The following SDK1 variants were observed in gnomAD, a reference collection of about 807,000 sequenced individuals.
SDK1 encodes protein sidekick-1.
A neutral mutation model predicts 245.5 loss-of-function variants in SDK1; 157 were observed. The ratio of observed to expected loss-of-function variants is 0.64; its 90% CI spans 0.56 to 0.73. The LOEUF is 0.73. Among genes scored for constraint, SDK1 ranks in the 30% least tolerant of loss-of-function variants. The probability of loss-of-function intolerance (pLI) is 0.00; values close to 1 mark genes in which losing one functional copy is unlikely to be tolerated. For synonymous variants in SDK1, 1,647 were observed against 1,278.5 expected, an observed-to-expected ratio of 1.29 and a Z score of -6.15; for missense variants, 3,583 against 3,002.3, an observed-to-expected ratio of 1.19 and a Z score of -4.52.
At chr7:3,856,575 G>A (rs1780551980) in intron 5 of SDK1, among the ~76,000 whole-genome samples, 1 of 151,154 alleles carries the variant, frequency 6.6e-6, no homozygotes, top group South Asian at 2.1e-4. Context: ...TGGATCACCT[G>A]AGATCAGGAG....
chr7:3,359,412 A>C (rs1226151479), intron 1 of SDK1, among the ~76,000 whole-genome samples: 5 of 152,184 alleles, frequency 3.3e-5, no homozygotes, highest in African/African-American at 1.2e-4. Flanking sequence ...AGAATTGAGA[A>C]ATATGGCCAA....
chr7:4,215,997 TC>T (rs1784774881), intron 38 of SDK1, among the ~76,000 whole-genome samples: 1 of 152,132 alleles, frequency 6.6e-6, no homozygotes, highest in African/African-American at 2.4e-5. Flanking sequence ...CCATCCCCGT[TC>T]CTGCATTCTC....
chr7:3,669,328 G>A (rs931260139), intron 4 of SDK1, among the ~76,000 whole-genome samples: 1 of 152,114 alleles, frequency 6.6e-6, no homozygotes, highest in African/African-American at 2.4e-5. Flanking sequence ...AGACCTTGTT[G>A]CAGAATTTTT....
chr7:4,135,744 C>G (rs1274367922), intron 28 of SDK1, among the ~76,000 whole-genome samples: 1 of 152,214 alleles, frequency 6.6e-6, no homozygotes, highest in African/African-American at 2.4e-5. Flanking sequence ...TAGAACAGTG[C>G]CTGCCACATA....
At chr7:3,793,108 T>C (rs1778857417) in intron 4 of SDK1, among the ~76,000 whole-genome samples, 1 of 151,974 alleles carries the variant, frequency 6.6e-6, no homozygotes, top group Non-Finnish European at 1.5e-5. Flanking sequence ...TTAAGAAGAG[T>C]GATGTGCTGT....
chr7:3,346,964 C>G (rs192214459), intron 1 of SDK1, among the ~76,000 whole-genome samples: 1 of 149,510 alleles, frequency 6.7e-6, no homozygotes. Flanking sequence ...AGCTACTGCA[C>G]CCAGCCCTGA....
At chr7:3,419,972 A>G (rs181571877) in intron 1 of SDK1, among the ~76,000 whole-genome samples, 2 of 152,202 alleles carry the variant, frequency 1.3e-5, no homozygotes, top group Non-Finnish European at 2.9e-5. Flanking sequence ...GTAGGTAATA[A>G]TGAGAAATGC....
At chr7:3,675,782 G>A (rs1230476646) in intron 4 of SDK1, among the ~76,000 whole-genome samples, 5 of 152,028 alleles carry the variant, frequency 3.3e-5, no homozygotes, top group Non-Finnish European at 7.4e-5. Flanking sequence ...TCCCACCTTG[G>A]CCTCCCAAAG....
At chr7:4,102,973 AAAAG>A (rs1782659801) in intron 22 of SDK1, among the ~76,000 whole-genome samples, 1 of 146,284 alleles carries the variant, frequency 6.8e-6, no homozygotes, top group Non-Finnish European at 1.5e-5. Context: ...AAAAAAAAAA[AAAAG>A]CCGTTCAAAA....
intron 22 of SDK1, among the ~76,000 whole-genome samples, chr7:4,096,041 G>A (rs1782130216): frequency 6.6e-6 from 1 of 152,218 alleles, no homozygotes; most frequent in African/African-American, 2.4e-5. Context: ...GGACATGTGG[G>A]TAGAAACCTG....
chr7:4,232,397 C>CTTT (rs1785838734), intron 40 of SDK1, among the ~76,000 whole-genome samples: 4 of 73,896 alleles, frequency 5.4e-5, no homozygotes, highest in Non-Finnish European at 5.7e-5. Flanking sequence ...TTTTTCTTTT[C>CTTT]TTTTCTTTTC....
chr7:3,821,086 C>T (rs904398823), intron 4 of SDK1, among the ~76,000 whole-genome samples: 2 of 152,148 alleles, frequency 1.3e-5, no homozygotes, highest in African/African-American at 4.8e-5. Context: ...GTGGTCCAGC[C>T]TTCTAATTGA....
At chr7:3,448,961 A>G (rs571251716) in intron 1 of SDK1, among the ~76,000 whole-genome samples, 5 of 152,170 alleles carry the variant, frequency 3.3e-5, no homozygotes, top group Non-Finnish European at 5.9e-5. Context: ...TCAGCTTGCA[A>G]CCTAACAATT....
intron 35 of SDK1, among the ~76,000 whole-genome samples, chr7:4,195,186 C>T (rs1200968483): frequency 6.6e-6 from 1 of 152,222 alleles, no homozygotes; most frequent in Non-Finnish European, 1.5e-5. Context: ...CATCACATCA[C>T]ATTCTATCAT....
chr7:3,777,974 T>G (rs1210495065), intron 4 of SDK1, among the ~76,000 whole-genome samples: 1 of 152,184 alleles, frequency 6.6e-6, no homozygotes, highest in Non-Finnish European at 1.5e-5. Context: ...ATGATGGACA[T>G]TGTGATTTGG....
intron 2 of SDK1, among the ~76,000 whole-genome samples, chr7:3,627,657 T>C (rs1281881649): frequency 6.6e-6 from 1 of 152,148 alleles, no homozygotes; most frequent in Non-Finnish European, 1.5e-5. Context: ...TTAGCTTTGG[T>C]GAGGAGGAGC....
chr7:3,822,366 ATAT>A (rs1395775665), intron 5 of SDK1, among the ~76,000 whole-genome samples: 1 of 152,218 alleles, frequency 6.6e-6, no homozygotes, highest in African/African-American at 2.4e-5. Context: ...AAATTTCAAA[ATAT>A]TATTATCATA....
intron 22 of SDK1, among the ~76,000 whole-genome samples, chr7:4,101,287 G>C (rs569882213): frequency 2.6e-5 from 4 of 152,008 alleles, no homozygotes; most frequent in South Asian, 2.1e-4. Flanking sequence ...GACTACAGGT[G>C]CCCGCCACCA....
chr7:4,090,690 G>C (rs1781732060), intron 22 of SDK1, among the ~76,000 whole-genome samples: 1 of 152,088 alleles, frequency 6.6e-6, no homozygotes, highest in African/African-American at 2.4e-5. Flanking sequence ...GGGAACCTTG[G>C]GTTAGTGCAG....
Sources: allele counts gnomAD v4.1 joint callset (sites outside exome capture counted in the v4.1 genomes callset), GRCh38; gene constraint gnomAD v4.1.1; transcripts MANE v1.5; gene names NCBI Gene and HGNC (gene_info 2026-07-23, HGNC 2026-07-21).